Variants in AAK1 observed in about 807,000 individuals in gnomAD.
AAK1 encodes AP2-associated protein kinase 1.
In AAK1, 37 loss-of-function variants were observed where a neutral mutation model predicts 116.0. The ratio of observed to expected loss-of-function variants is 0.32; its 90% CI spans 0.25 to 0.42. The LOEUF is 0.42. Among genes scored for constraint, AAK1 ranks in the 10% least tolerant of loss-of-function variants. The pLI is 1.00. For missense variants in AAK1, 919 were observed against 1,170.6 expected, an observed-to-expected ratio of 0.79 and a Z score of 3.14; for synonymous variants, 458 against 439.9, an observed-to-expected ratio of 1.04 and a Z score of -0.51.
At chr2:69,517,077 T>A (rs1676613833) in intron 12 of AAK1, 1 of 152,082 alleles carries the variant, frequency 6.6e-6, no homozygotes. Flanking sequence ...AGCAATGTAT[T>A]CAAAGATATC....
intron 5 of AAK1, among the ~76,000 whole-genome samples, chr2:69,536,336 C>T (rs1386140882): frequency 6.6e-6 from 1 of 152,092 alleles, no homozygotes; most frequent in Non-Finnish European, 1.5e-5. Context: ...TGAAAATTAG[C>T]TTGGCAAAAT....
chr2:69,515,584 C>T (rs981156642), intron 12 of AAK1, among the ~76,000 whole-genome samples: 2 of 152,152 alleles, frequency 1.3e-5, no homozygotes, highest in Non-Finnish European at 2.9e-5. Context: ...CCGCTTCGGC[C>T]TCTGAAGATG....
At position 69,467,726 on chromosome 2, in the gene AAK1, G is replaced by A; in HGVS notation, c.*8143C>T. On this transcript the variant is annotated 3_prime_UTR_variant, in exon 22 of 22. Transcript: ENST00000409085. ...AAACCATTAGCTAGCAGAAATTTCT[G>A]CCAAAAATTATCCCCTGCTAAAGTT... 6 of 985,348 alleles carry A rather than the reference G, an allele frequency of 6.1e-6. No homozygotes were observed. The highest frequency in any genetic ancestry group is 7.2e-6 in the Non-Finnish European group (6 of 829,912). The allele number at this position is 985,348 out of a possible 1,614,324, so 61.0% of individuals were successfully genotyped here.
At chr2:69,575,838 C>A (rs954403079) in intron 2 of AAK1, among the ~76,000 whole-genome samples, 10 of 152,072 alleles carry the variant, frequency 6.6e-5, no homozygotes, top group African/African-American at 2.4e-4. Flanking sequence ...GCCTCAGGCT[C>A]CAATATGGCT....
intron 20 of AAK1, 61 bp from the exon 21 acceptor site, chr2:69,477,051 G>T: frequency 9.0e-7 from 1 of 1,115,006 alleles, no homozygotes; most frequent in Non-Finnish European, 1.3e-6. Context: ...GCAAATGAGA[G>T]AATGTGAAAG....
At chr2:69,599,147 G>A (rs1397906220) in intron 2 of AAK1, among the ~76,000 whole-genome samples, 1 of 152,094 alleles carries the variant, frequency 6.6e-6, no homozygotes, top group Non-Finnish European at 1.5e-5. Context: ...CTTTAAAGAT[G>A]ATATTCAAAA....
In AAK1 at chr2:69,467,714, G is replaced by C; in HGVS notation, c.*8155C>G. ...CCCCTCCTATGCAAACCATTAGCTA[G>C]CAGAAATTTCTGCCAAAAATTATCC... On this transcript the variant is annotated 3_prime_UTR_variant, in exon 22 of 22. Transcript: ENST00000409085. The C allele has an allele frequency of 1.0e-6, 1 of 985,352 alleles. No individual in the cohort carries two copies. Among genetic ancestry groups the C allele is most frequent in the South Asian group, 4.7e-5 (1 of 21,278 alleles). 61.0% of individuals were successfully genotyped at this position (985,352 alleles called of 1,614,324 possible).
chr2:69,596,019 A>G (rs778924027), intron 2 of AAK1, among the ~76,000 whole-genome samples: 1 of 152,230 alleles, frequency 6.6e-6, no homozygotes, highest in Non-Finnish European at 1.5e-5. Flanking sequence ...ACATCTGTTT[A>G]CAGAATGGTT....
intron 2 of AAK1, among the ~76,000 whole-genome samples, chr2:69,600,291 T>C (rs1468592483): frequency 2.2e-5 from 2 of 92,304 alleles, no homozygotes; most frequent in African/African-American, 4.7e-5. Flanking sequence ...TCTGTCTCAG[T>C]TTTTTTTTTT....
chr2:69,475,537 T>C lies in AAK1; in HGVS notation c.*332A>G, dbSNP rs1365171024. ...CGAGACAAAAGTGTCAATTCACTAG[T>C]TTCAGTTACAGTTAAGCTTTTGGTG... On this transcript the variant is annotated 3_prime_UTR_variant, in exon 22 of 22. Coordinates refer to ENST00000409085, the MANE Select transcript of AAK1 (RefSeq NM_014911.5). 3 of 1,066,978 alleles carry C rather than the reference T, an allele frequency of 2.8e-6. No individual in the cohort carries two copies. In the African/African-American group the frequency reaches 5.0e-5, roughly 18 times the overall value. 66.1% of individuals were successfully genotyped at this position (1,066,978 alleles called of 1,614,324 possible). A position where few individuals can be genotyped will look rare whatever the true frequency, so the allele number is the denominator to read the frequency against.
intron 2 of AAK1, among the ~76,000 whole-genome samples, chr2:69,578,496 T>A (rs1334388943): frequency 6.6e-6 from 1 of 152,212 alleles, no homozygotes; most frequent in Non-Finnish European, 1.5e-5. Context: ...TATCTGAAGC[T>A]ATTTCCAGGG....
At position 69,461,650 on chromosome 2, in the gene AAK1, A is replaced by G. The variant is rs1236258058; in HGVS notation, c.*14219T>C. 7.0e-6 allele frequency: 3 copies of G among 430,296 alleles called. No individual in the cohort carries two copies. The highest frequency in any genetic ancestry group is 2.1e-5 in the African/African-American group (1 of 47,242). 26.7% of individuals were successfully genotyped at this position (430,296 alleles called of 1,614,324 possible). On this transcript the variant is annotated 3_prime_UTR_variant, in exon 22 of 22. Transcript: ENST00000409085. ...GCTCTTCTCGCCCAGGCTGGAGTGC[A>G]ATGACACAATCTTGGCTCACTGCAA...
In AAK1 at chr2:69,594,634, CAGTT is replaced by C. The variant is rs1244290598; in HGVS notation, c.164-37660_164-37657del. 3 of 527,210 alleles carry C rather than the reference CAGTT, an allele frequency of 5.7e-6. No individual in the cohort carries two copies. In the East Asian group the frequency reaches 1.0e-4, roughly 18 times the overall value. 32.7% of individuals were successfully genotyped at this position (527,210 alleles called of 1,614,324 possible). Reference sequence around the variant, plus strand: ...CGAAAGTGAGGCCTCTTGTACCAAACAGTTAGCCAGGTTGTGAATGCAAAGAAAA... The same window carrying C: ...CGAAAGTGAGGCCTCTTGTACCAAACAGCCAGGTTGTGAATGCAAAGAAAA... On this transcript the variant is annotated intron_variant, in intron 2 of 21. Coordinates refer to ENST00000409085, the MANE Select transcript of AAK1 (RefSeq NM_014911.5).
intron 5 of AAK1, among the ~76,000 whole-genome samples, chr2:69,533,761 T>C (rs1239528956): frequency 1.3e-5 from 2 of 152,206 alleles, no homozygotes; most frequent in African/African-American, 4.8e-5. Context: ...TCTATAATTT[T>C]GACCTTGGAA....
At chr2:69,642,461 TAGG>T (rs1224333595) in intron 2 of AAK1, among the ~76,000 whole-genome samples, 1 of 151,974 alleles carries the variant, frequency 6.6e-6, no homozygotes, top group Non-Finnish European at 1.5e-5. Context: ...GAAAGTTGGG[TAGG>T]AGAAGGAGAA....
At chr2:69,556,608 T>C (rs1671395666) in intron 3 of AAK1, among the ~76,000 whole-genome samples, 1 of 152,172 alleles carries the variant, frequency 6.6e-6, no homozygotes, top group Admixed American at 6.5e-5. Flanking sequence ...AGTAAGCTTT[T>C]CCCAATGCCC....
intron 10 of AAK1, among the ~76,000 whole-genome samples, chr2:69,522,526 G>A (rs1669831272): frequency 6.6e-6 from 1 of 152,140 alleles, no homozygotes; most frequent in African/African-American, 2.4e-5. Context: ...AAAGCTGGCT[G>A]GGTGTGGTGG....
rs192567972 is a variant in AAK1 at position 69,534,071 on chromosome 2, A to G, written c.535-1909T>C. 4.5e-3 allele frequency among the ~76,000 whole-genome samples: 683 copies of G among 152,336 alleles called. 3 individuals carry two copies. Among genetic ancestry groups the G allele is most frequent in the Admixed American group, 8.8e-3 (134 of 15,294 alleles). ...ATCTAATTTAGAGGTTATAAAAATA[A>G]CAGCCATCATTTTCTGAGCTTTATT... On this transcript the variant is annotated intron_variant, in intron 5 of 21. Coordinates refer to ENST00000409085, the MANE Select transcript of AAK1 (RefSeq NM_014911.5).
Position 69,460,446 on chromosome 2 carries a change from C to T in AAK1, c.*15423G>A, listed in dbSNP as rs1674311640. On this transcript the variant is annotated 3_prime_UTR_variant, in exon 22 of 22. Coordinates refer to ENST00000409085, the MANE Select transcript of AAK1 (RefSeq NM_014911.5). ...ATTATAATCTGCTACTTTGATTATG[C>T]ATCAGTGAAATGTCCACCAAGCAGT... 1.3e-5 allele frequency: 2 copies of T among 152,544 alleles called. No homozygotes were observed. Among genetic ancestry groups the T allele is most frequent in the Non-Finnish European group, 2.9e-5 (2 of 68,022 alleles). The allele number at this position is 152,544 out of a possible 1,614,324, so 9.4% of individuals were successfully genotyped here. A position where few individuals can be genotyped will look rare whatever the true frequency, so the allele number is the denominator to read the frequency against.
Sources: gnomAD v4.1 joint callset for allele counts (sites outside exome capture counted in the v4.1 genomes callset) on GRCh38, gnomAD v4.1.1 for gene constraint, MANE v1.5 for transcripts, NCBI Gene and HGNC (gene_info 2026-07-23, HGNC 2026-07-21) for gene names.